The following MAN1C1 variants were observed in gnomAD, a reference collection of about 807,000 sequenced individuals.
MAN1C1 encodes the protein mannosyl-oligosaccharide 1,2-alpha-mannosidase IC.
In MAN1C1, 49 loss-of-function variants were observed where a neutral mutation model predicts 71.5. That is an observed-to-expected ratio of 0.69 (90% CI 0.54 to 0.87). The LOEUF (loss-of-function observed/expected upper bound fraction) is 0.87. Ranked by LOEUF, MAN1C1 falls within the 40% of genes least tolerant of loss-of-function variation. The pLI, the probability that MAN1C1 is intolerant of heterozygous loss-of-function variation, is 0.00. For missense variants in MAN1C1, 743 were observed against 835.0 expected, an observed-to-expected ratio of 0.89 and a Z score of 1.36; for synonymous variants, 352 against 343.7, an observed-to-expected ratio of 1.02 and a Z score of -0.27.
chr1:25,769,087 T>C lies in MAN1C1; in HGVS notation c.1142-2570T>C, dbSNP rs2047507944. Among the ~76,000 whole-genome samples, 1 of 101,966 alleles carries C rather than the reference T, an allele frequency of 9.8e-6. No homozygotes were observed. Among genetic ancestry groups the C allele is most frequent in the Non-Finnish European group, 2.0e-5 (1 of 49,740 alleles). The allele number at this position is 101,966 out of a possible 152,430, so 66.9% of individuals were successfully genotyped here. On this transcript the variant is annotated intron_variant, in intron 7 of 11. Transcript: ENST00000374332. This position sits in a 1 kb window ranked among gnomAD's most constrained non-coding sequence, Gnocchi z 4.8. ...CCACCCACACTCCCACACACACACC[T>C]ATCACCCACACTCCCTCCCACACAC...
chr1:25,758,912 G>T, intron 6 of MAN1C1: 1 of 578,950 alleles, frequency 1.7e-6, no homozygotes, highest in Non-Finnish European at 3.1e-6. Flanking sequence ...AGCACGCAGA[G>T]TCAATAAGAT....
At chr1:25,685,524 G>A (rs1214892822) in intron 1 of MAN1C1, among the ~76,000 whole-genome samples, 2 of 152,226 alleles carry the variant, frequency 1.3e-5, no homozygotes, top group South Asian at 2.1e-4. Context: ...CAGGGTTGGG[G>A]GTGGACTGTG....
At chr1:25,767,703 TCACA>T (rs1414942910) in intron 7 of MAN1C1, among the ~76,000 whole-genome samples, 4 of 35,728 alleles carry the variant, frequency 1.1e-4, no homozygotes, top group East Asian at 8.1e-4. Flanking sequence ...CACACTCCCC[TCACA>T]CATACATTAC....
chr1:25,679,966 T>C (rs1393911384), intron 1 of MAN1C1, among the ~76,000 whole-genome samples: 3 of 142,468 alleles, frequency 2.1e-5, no homozygotes, highest in African/African-American at 7.8e-5. Flanking sequence ...TATATATATA[T>C]ATATATATAT....
At chr1:25,743,228 A>T in intron 2 of MAN1C1, among the ~76,000 whole-genome samples, 1 of 152,120 alleles carries the variant, frequency 6.6e-6, no homozygotes, top group East Asian at 1.9e-4. Flanking sequence ...TATTTCTAAG[A>T]CACCTCACTG....
At chr1:25,750,413 G>A (rs986611953) in intron 4 of MAN1C1, among the ~76,000 whole-genome samples, 4 of 145,046 alleles carry the variant, frequency 2.8e-5, no homozygotes, top group East Asian at 2.2e-4. Flanking sequence ...GAGGCTGGAC[G>A]CCCCCCTGCT....
Position 25,725,535 on chromosome 1 carries a change from G to A in MAN1C1, c.638-21133G>A, listed in dbSNP as rs1225332637. Among the ~76,000 whole-genome samples, 5 of 152,214 alleles carry A rather than the reference G, an allele frequency of 3.3e-5. No homozygotes were observed. Among genetic ancestry groups the A allele is most frequent in the South Asian group, 2.1e-4 (1 of 4,832 alleles). On this transcript the variant is annotated intron_variant, in intron 2 of 11. Coordinates refer to ENST00000374332, the MANE Select transcript of MAN1C1 (RefSeq NM_020379.4). The surrounding 1 kb of genome is among the most constrained non-coding windows in gnomAD (Gnocchi z 4.8). ...GCATTCTAGGTAAAGGGCACAGCAC[G>A]TGCAAGGGCATGGTGGCGTGAGAGT...
chr1:25,749,193 G>C, intron 3 of MAN1C1, 62 bp from the exon 4 acceptor site: 1 of 1,422,212 alleles, frequency 7.0e-7, no homozygotes, highest in Non-Finnish European at 9.8e-7. Flanking sequence ...AGGGTGACCT[G>C]TCTCAAGGGC....
At chr1:25,629,538 T>C (rs920986496) in intron 1 of MAN1C1, among the ~76,000 whole-genome samples, 1 of 152,126 alleles carries the variant, frequency 6.6e-6, no homozygotes, top group African/African-American at 2.4e-5. Flanking sequence ...CAGGTTCAAG[T>C]GATTCTCCTA....
chr1:25,735,714 C>T lies in MAN1C1; in HGVS notation c.638-10954C>T, dbSNP rs976919297. On this transcript the variant is annotated intron_variant, in intron 2 of 11. Transcript: ENST00000374332. This position sits in a 1 kb window ranked among gnomAD's most constrained non-coding sequence, Gnocchi z 4.6. ...TATCTAGGCTGCATCTAGCTAGATC[C>T]AAGTCTGCTCTGCACATATCTCATC... Among the ~76,000 whole-genome samples, 3 of 152,108 alleles carry T rather than the reference C, an allele frequency of 2.0e-5. No individual in the cohort carries two copies. Among genetic ancestry groups the T allele is most frequent in the Non-Finnish European group, 4.4e-5 (3 of 68,020 alleles).
At chr1:25,633,500 T>C (rs2045413600) in intron 1 of MAN1C1, among the ~76,000 whole-genome samples, 1 of 151,954 alleles carries the variant, frequency 6.6e-6, no homozygotes, top group Non-Finnish European at 1.5e-5. Context: ...CTTGTTGGAT[T>C]GATCCTTTTA....
rs1050311707 is a variant in MAN1C1, at chr1:25,782,415, G to A, written c.1651-170G>A. ...GCCTGGGGACAGGTGGCTAAACCCC[G>A]AAAGAATAATTTGACCTTCTGTTCC... On this transcript the variant is annotated intron_variant, in intron 10 of 11. Transcript: ENST00000374332. This position sits in a 1 kb window ranked among gnomAD's most constrained non-coding sequence, Gnocchi z 4.4. Among the ~76,000 whole-genome samples the A allele has an allele frequency of 3.9e-5, 6 of 152,136 alleles. No individual in the cohort carries two copies. The highest frequency in any genetic ancestry group is 1.9e-4 in the East Asian group (1 of 5,170).
rs7529365 is a variant in MAN1C1 at position 25,737,405 on chromosome 1, C to T, written c.638-9263C>T. ...CGTCTGTGGCTGCCCATTTCGCCCCCCCGACAGGGATTTCCTTGGTAGCTG... is the reference window on the plus strand; with the variant it reads ...CGTCTGTGGCTGCCCATTTCGCCCCTCCGACAGGGATTTCCTTGGTAGCTG... On this transcript the variant is annotated intron_variant, in intron 2 of 11. Coordinates refer to ENST00000374332, the MANE Select transcript of MAN1C1 (RefSeq NM_020379.4). Among the ~76,000 whole-genome samples, 470 of 152,338 alleles carry T rather than the reference C, an allele frequency of 3.1e-3. 3 individuals carry two copies. Among genetic ancestry groups the T allele is most frequent in the African/African-American group, 0.01 (422 of 41,568 alleles).
intron 1 of MAN1C1, among the ~76,000 whole-genome samples, chr1:25,674,995 C>CA (rs1466197014): frequency 1.3e-5 from 2 of 152,100 alleles, no homozygotes; most frequent in Non-Finnish European, 2.9e-5. Flanking sequence ...GGTGGTGGTA[C>CA]AAAGAGAAGT....
Position 25,711,615 on chromosome 1 carries a change from C to G in MAN1C1, c.637+25079C>G, listed in dbSNP as rs2046613729. Among the ~76,000 whole-genome samples, 1 of 152,184 alleles carries G rather than the reference C, an allele frequency of 6.6e-6. No individual in the cohort carries two copies. Among genetic ancestry groups the G allele is most frequent in the Non-Finnish European group, 1.5e-5 (1 of 68,044 alleles). On this transcript the variant is annotated intron_variant, in intron 2 of 11. Coordinates refer to ENST00000374332, the MANE Select transcript of MAN1C1 (RefSeq NM_020379.4). The surrounding 1 kb of genome is among the most constrained non-coding windows in gnomAD (Gnocchi z 4.3). ...CACTCATTCTGCATGTATTGAGCAC[C>G]ACTGTGTGCCAGGCCCTGCTCCCTG... is the stretch of plus-strand genomic sequence containing the variant.
intron 6 of MAN1C1, among the ~76,000 whole-genome samples, chr1:25,763,234 C>T (rs912313957): frequency 8.5e-5 from 13 of 152,078 alleles, no homozygotes; most frequent in Middle Eastern, 3.2e-3. Context: ...CGCTACCGCA[C>T]TCCAGCCTGG....
chr1:25,747,347 A>T (rs2047144355), intron 3 of MAN1C1, among the ~76,000 whole-genome samples: 1 of 152,196 alleles, frequency 6.6e-6, no homozygotes, highest in Non-Finnish European at 1.5e-5. Flanking sequence ...TTTCAGAGGG[A>T]ATGGTCGTGT....
chr1:25,771,952 T>C (rs1360853807), intron 8 of MAN1C1, 180 bp downstream of exon 8: 5 of 594,506 alleles, frequency 8.4e-6, no homozygotes, highest in African/African-American at 3.7e-5. Flanking sequence ...TTTTACACCC[T>C]GCGACCCTCC....
At chr1:25,705,856 T>C (rs1235069031) in intron 2 of MAN1C1, among the ~76,000 whole-genome samples, 1 of 152,162 alleles carries the variant, frequency 6.6e-6, no homozygotes, top group Non-Finnish European at 1.5e-5. Context: ...GGTGGAAGGA[T>C]CACTTGAGCC....
Sources: gnomAD v4.1 joint callset for allele counts (sites outside exome capture counted in the v4.1 genomes callset) on GRCh38, gnomAD v4.1.1 for gene constraint, Gnocchi (gnomAD v3.1) non-coding constraint, MANE v1.5 for transcripts, NCBI Gene and HGNC (gene_info 2026-07-23, HGNC 2026-07-21) for gene names.